The following TAF1 variants were observed in gnomAD, a reference collection of about 807,000 sequenced individuals.
TAF1 encodes TATA-box binding protein associated factor 1.
In TAF1, 2 loss-of-function variants were observed where a neutral mutation model predicts 138.5. That is an observed-to-expected ratio of 0.01 (90% CI 0.01 to 0.05). The LOEUF (loss-of-function observed/expected upper bound fraction) is 0.05, where lower values mean the gene tolerates loss of function less well. Among genes scored for constraint, TAF1 ranks in the 10% least tolerant of loss-of-function variants. The pLI is 1.00. For synonymous variants in TAF1, 437 were observed against 503.2 expected, an observed-to-expected ratio of 0.87 and a Z score of 1.76; for missense variants, 709 against 1,478.0, an observed-to-expected ratio of 0.48 and a Z score of 8.53.
chrX:71,444,927 A>C (rs374739159), intron 32 of TAF1, among the ~76,000 whole-genome samples: 3 of 109,058 alleles, frequency 2.8e-5, no homozygotes, highest in Admixed American at 2.0e-4. Flanking sequence ...TAGAGATGGG[A>C]TCACCATAGC....
At chrX:71,476,503 CATGGTGGTACACGCCT>C (rs1293153100) in intron 13 of TAF1, among the ~76,000 whole-genome samples, 1 of 109,680 alleles carries the variant, frequency 9.1e-6, no homozygotes, top group Non-Finnish European at 1.9e-5. Flanking sequence ...TTTAGCCAGG[CATGGTGGTACACGCCT>C]GTGGTCCCAG....
chrX:71,515,114 A>G lies in TAF1; in HGVS notation c.1367-13428A>G. ...AGGTCAAGTGTGGAAAATTAGATTCAGGTAGGAATAGAGCCCCAGAGACCA... is the reference window on the plus strand; with the variant it reads ...AGGTCAAGTGTGGAAAATTAGATTCGGGTAGGAATAGAGCCCCAGAGACCA... On this transcript the variant is annotated intron_variant and NMD_transcript_variant, in intron 13 of 14. Coordinates refer to the TAF1 transcript ENST00000373775. 1.8e-5 allele frequency among the ~76,000 whole-genome samples: 2 copies of G among 111,779 alleles called. 1 individual carries two copies.
chrX:71,480,346 G>T (rs951187051), intron 13 of TAF1, among the ~76,000 whole-genome samples: 1 of 111,604 alleles, frequency 9.0e-6, no homozygotes, highest in Non-Finnish European at 1.9e-5. Context: ...AGTGGGCTAT[G>T]ATCGCACCAC....
At chrX:71,386,406 T>C (rs1043671276) in intron 14 of TAF1, among the ~76,000 whole-genome samples, 4 of 111,635 alleles carry the variant, frequency 3.6e-5, no homozygotes, top group African/African-American at 1.3e-4. Flanking sequence ...GTCTTGTGTT[T>C]TCCTTTTGTT....
Position 71,383,144 on chromosome X carries a change from C to T in TAF1, c.1927C>T (p.His643Tyr), listed in dbSNP as rs145625867. The change falls in exon 12 of 38, where the codon CAC becomes TAC. Residue 643 changes from histidine to tyrosine, a missense_variant. This residue lies in a region of TAF1 where 201 missense variants were observed against 421.3 expected (regional missense o/e 0.48). Coordinates refer to ENST00000423759, the MANE Select transcript of TAF1 (RefSeq NM_004606.5). Reference sequence around the variant, plus strand: ...CCACTCAGTCCAACCTTTGCTAAAGCACATCAAAAAAAAGGCCAAGGTATA... The same window carrying T: ...CCACTCAGTCCAACCTTTGCTAAAGTACATCAAAAAAAAGGCCAAGGTATA... The part of the protein sequence containing the change: ...GPHSVQPLLK[H>Y]IKKKAKMREQ... 7 of 1,203,491 alleles carry T rather than the reference C, an allele frequency of 5.8e-6. No individual in the cohort carries two copies. The African/African-American group carries it at 1.1e-4, about 18-fold the overall frequency.
intron 28 of TAF1, among the ~76,000 whole-genome samples, chrX:71,409,775 A>G (rs1263113339): frequency 9.0e-6 from 1 of 111,410 alleles, no homozygotes; most frequent in Non-Finnish European, 1.9e-5. Flanking sequence ...TCAGCATTAT[A>G]TTTCACAAAA....
rs909727485 is a variant in TAF1, at chrX:71,387,057, C to T, written c.2227-204C>T. The T allele has an allele frequency of 7.1e-6, 3 of 423,284 alleles. No individual in the cohort carries two copies. In the African/African-American group the frequency reaches 7.4e-5, roughly 11 times the overall value. The allele number at this position is 423,284 out of a possible 1,213,427, so 34.9% of individuals were successfully genotyped here. A position where few individuals can be genotyped will look rare whatever the true frequency, so the allele number is the denominator to read the frequency against. The stretch of plus-strand genomic sequence containing the variant: ...TCTGAATTCACATCCTGTATTTTCT[C>T]CCCTACTGACTCTGAAAGATAGTGG... On this transcript the variant is annotated intron_variant, in intron 14 of 37. Coordinates refer to ENST00000423759, the MANE Select transcript of TAF1 (RefSeq NM_004606.5).
intron 13 of TAF1, among the ~76,000 whole-genome samples, chrX:71,523,761 A>T (rs751436535): frequency 9.0e-6 from 1 of 111,684 alleles, no homozygotes; most frequent in South Asian, 3.7e-4. Context: ...GGGATTCAGG[A>T]CAATTCAAAG....
At chrX:71,421,478 G>A (rs1182319107) in intron 29 of TAF1, 102 bp downstream of exon 29, 3 of 667,300 alleles carry the variant, frequency 4.5e-6, no homozygotes, top group South Asian at 2.6e-5. Flanking sequence ...AAATATATGC[G>A]GGAGTAGCAG....
chrX:71,397,944 C>A (rs1316478082), intron 23 of TAF1, among the ~76,000 whole-genome samples: 1 of 111,909 alleles, frequency 8.9e-6, no homozygotes, highest in African/African-American at 3.2e-5. Flanking sequence ...TTGAATAGAG[C>A]CAAATTACAG....
intron 28 of TAF1, among the ~76,000 whole-genome samples, chrX:71,408,390 T>G (rs2035583728): frequency 9.0e-6 from 1 of 110,980 alleles, no homozygotes; most frequent in South Asian, 3.9e-4. Flanking sequence ...CAATCTTGGC[T>G]CACTGCAACC....
chrX:71,392,692 A>C lies in TAF1; in HGVS notation c.2905A>C (p.Ile969Leu), dbSNP rs1472691223. ...GCGEGFSYVKIPNKPTQQKDD... is the reference protein window; with the variant it reads ...GCGEGFSYVKLPNKPTQQKDD... ...TGGTGAAGGATTCTCCTATGTGAAG[A>C]TTCCAAACAAACCAACACAGCAGAA... The change falls in exon 19 of 38, where the codon ATT becomes CTT. Residue 969 changes from isoleucine (I) to leucine (L), a missense_variant. Ile to Leu is a conservative substitution (Grantham distance 5). Around this residue, in one of 14 missense-constraint regions of TAF1, gnomAD observed 31 missense variants for 140.4 expected, o/e 0.22. Coordinates refer to ENST00000423759, the MANE Select transcript of TAF1 (RefSeq NM_004606.5). The C allele has an allele frequency of 8.3e-7, 1 of 1,201,290 alleles. No homozygotes were observed. Among genetic ancestry groups the C allele is most frequent in the African/African-American group, 1.8e-5 (1 of 56,859 alleles).
Position 71,479,184 on chromosome X carries a change from G to A in TAF1, c.1366+18381G>A, listed in dbSNP as rs186921810. ...AAATATCAACATAGATGAGTCCCAC[G>A]AACATAATGTGGAAGGAAAGTTCAG... On this transcript the variant is annotated intron_variant and NMD_transcript_variant, in intron 13 of 14. Transcript: ENST00000373775. Among the ~76,000 whole-genome samples, 378 of 112,344 alleles carry A rather than the reference G, an allele frequency of 3.4e-3. 2 individuals are homozygous for A. The highest frequency in any genetic ancestry group is 0.012 in the African/African-American group (358 of 30,997).
At chrX:71,393,526 T>C in intron 21 of TAF1, 50 bp downstream of exon 21, 1 of 1,131,105 alleles carries the variant, frequency 8.8e-7, no homozygotes, top group Non-Finnish European at 1.2e-6. Flanking sequence ...GGGGGAGGAG[T>C]TCCAGGCACT....
intron 4 of TAF1, among the ~76,000 whole-genome samples, chrX:71,375,562 A>C (rs2033409382): frequency 8.9e-6 from 1 of 111,743 alleles, no homozygotes; most frequent in East Asian, 2.8e-4. Context: ...AAAAAAAAAA[A>C]ACAAATACCT....
intron 28 of TAF1, among the ~76,000 whole-genome samples, chrX:71,418,218 C>T (rs947678261): frequency 2.7e-5 from 3 of 111,640 alleles, no homozygotes; most frequent in Non-Finnish European, 5.6e-5. Flanking sequence ...GTCAGCCTGC[C>T]GAGTAGCTGG....
intron 37 of TAF1, 106 bp from the exon 38 acceptor site, chrX:71,463,718 G>T: frequency 2.7e-6 from 2 of 743,268 alleles, no homozygotes; most frequent in South Asian, 5.0e-5. Flanking sequence ...TCACTTTAGT[G>T]TCCAGGGGAG....
At position 71,375,171 on chromosome X, in the gene TAF1, T is replaced by C; in HGVS notation, c.357T>C (p.Tyr119=). The stretch of plus-strand genomic sequence containing the variant: ...TCACCTTCTTGGTTTTATTAGATTA[T>C]GATGAAGATGACTATGATGCTGATT... ...GSLQPLCHSD[Y]DEDDYDADCE... Residue 119 remains tyrosine (Y), a synonymous_variant, in exon 4 of 38, where the codon TAT becomes TAC. Transcript: ENST00000423759. 1 of 1,209,399 alleles carries C rather than the reference T, an allele frequency of 8.3e-7. No homozygotes were observed. Among genetic ancestry groups the C allele is most frequent in the South Asian group, 1.8e-5 (1 of 56,560 alleles).
At chrX:71,442,011 G>T (rs2037453421) in intron 32 of TAF1, among the ~76,000 whole-genome samples, 1 of 110,874 alleles carries the variant, frequency 9.0e-6, no homozygotes, top group Non-Finnish European at 1.9e-5. Flanking sequence ...CCTTTTTTAT[G>T]GCTGCATAGT....
Sources: gnomAD v4.1 joint callset for allele counts (sites outside exome capture counted in the v4.1 genomes callset) on GRCh38, gnomAD v4.1.1 for gene constraint, gnomAD v4.1.1 regional missense constraint, MANE v1.5 for transcripts, NCBI Gene and HGNC (gene_info 2026-07-23, HGNC 2026-07-21) for gene names.